The following MED27 variants were observed in gnomAD, a reference collection of about 807,000 sequenced individuals.
MED27 encodes the protein mediator complex subunit 27, also known as mediator of RNA polymerase II transcription subunit 27.
Under a neutral mutation model 38.2 loss-of-function variants are expected in MED27, and 30 were observed. That is an observed-to-expected ratio of 0.79 (90% CI 0.59 to 1.07). The LOEUF is 1.07. Among genes scored for constraint, MED27 ranks in the 50% least tolerant of loss-of-function variants. The pLI is 0.00. For missense variants in MED27, 289 were observed against 397.5 expected, an observed-to-expected ratio of 0.73 and a Z score of 2.32; for synonymous variants, 122 against 153.5, an observed-to-expected ratio of 0.79 and a Z score of 1.52.
chr9:132,053,202 G>C (rs937324040), intron 2 of MED27, among the ~76,000 whole-genome samples: 2 of 150,662 alleles, frequency 1.3e-5, no homozygotes, highest in Admixed American at 1.3e-4. Flanking sequence ...GCAGTGAGCC[G>C]AGATCGCGCC....
rs1181700241 is a variant in MED27 at position 131,958,358 on chromosome 9, G to GC, written c.480-18885dup. ...CCTCCCGAGTTCTAGCGATTCTCCT[G>GC]CCTCAGCCTCTTGAGTAGCTGGGAT... On this transcript the variant is annotated intron_variant, in intron 3 of 7. Transcript: ENST00000292035. 2.6e-5 allele frequency among the ~76,000 whole-genome samples: 4 copies of GC among 151,736 alleles called. No homozygotes were observed. The East Asian group carries it at 7.7e-4, about 29-fold the overall frequency.
rs933215269 is a variant in MED27 at position 131,964,692 on chromosome 9, C to T, written c.480-25218G>A. ...TCTTACTTAAACCTTGAACCAAGGA[C>T]GTGCAATTCTTATAAGACAGCGGTC... is the stretch of plus-strand genomic sequence containing the variant. On this transcript the variant is annotated intron_variant, in intron 3 of 7. Coordinates refer to ENST00000292035, the MANE Select transcript of MED27 (RefSeq NM_004269.4). Among the ~76,000 whole-genome samples, 5 of 152,270 alleles carry T rather than the reference C, an allele frequency of 3.3e-5. No individual in the cohort carries two copies. The East Asian group carries it at 5.8e-4, about 18-fold the overall frequency.
At chr9:132,045,296 G>GTAAAT (rs1479055763) in intron 2 of MED27, among the ~76,000 whole-genome samples, 27 of 152,106 alleles carry the variant, frequency 1.8e-4, no homozygotes, top group African/African-American at 6.5e-4. Context: ...GAAAAGTTAA[G>GTAAAT]TAAATTACAG....
intron 5 of MED27, among the ~76,000 whole-genome samples, chr9:131,890,237 C>T (rs2131497373): frequency 6.6e-6 from 1 of 152,302 alleles, no homozygotes; most frequent in South Asian, 2.1e-4. Flanking sequence ...AGCTTCTCTG[C>T]CAAATGTGGT....
At chr9:131,940,594 T>C (rs1830768958) in intron 3 of MED27, among the ~76,000 whole-genome samples, 1 of 152,070 alleles carries the variant, frequency 6.6e-6, no homozygotes, top group Admixed American at 6.6e-5. Flanking sequence ...TTTTGTATTT[T>C]TAGTAGAGAT....
At chr9:132,044,978 G>A (rs541821157) in intron 2 of MED27, among the ~76,000 whole-genome samples, 16 of 152,094 alleles carry the variant, frequency 1.1e-4, no homozygotes, top group African/African-American at 3.6e-4. Flanking sequence ...AATATGGGAG[G>A]AAAAACAGAT....
chr9:131,971,180 AT>A (rs1325630612), intron 3 of MED27, among the ~76,000 whole-genome samples: 9 of 152,244 alleles, frequency 5.9e-5, no homozygotes, highest in African/African-American at 2.2e-4. Flanking sequence ...ATGGGAGTTC[AT>A]TTTCCCATTC....
chr9:132,051,801 C>T lies in MED27; in HGVS notation c.348+25641G>A, dbSNP rs539912731. On this transcript the variant is annotated intron_variant, in intron 2 of 7. Transcript: ENST00000292035. This position sits in a 1 kb window ranked among gnomAD's most constrained non-coding sequence, Gnocchi z 4.2. Reference sequence around the variant, plus strand: ...CCATCATCACATAAAGTTCTATTGGCGAGCACTGCTCTGATCCCAGAAAAT... The same window carrying T: ...CCATCATCACATAAAGTTCTATTGGTGAGCACTGCTCTGATCCCAGAAAAT... 3.5e-4 allele frequency among the ~76,000 whole-genome samples: 54 copies of T among 152,290 alleles called. No individual in the cohort carries two copies. The highest frequency in any genetic ancestry group is 5.6e-4 in the Non-Finnish European group (38 of 68,026).
rs1309137538 is a variant in MED27, at chr9:132,044,333, GCA to G, written c.349-29868_349-29867del. Among the ~76,000 whole-genome samples the G allele has an allele frequency of 2.0e-5, 3 of 152,236 alleles. No individual in the cohort carries two copies. In the East Asian group the frequency reaches 5.8e-4, roughly 29 times the overall value. On this transcript the variant is annotated intron_variant, in intron 2 of 7. Coordinates refer to ENST00000292035, the MANE Select transcript of MED27 (RefSeq NM_004269.4). The stretch of plus-strand genomic sequence containing the variant: ...GTTCAGCAATTGTGTCAAGCACCTT[GCA>G]CAGTGTTTGCTCATTTATAAATGCA...
At chr9:132,065,332 C>T (rs1211389493) in intron 2 of MED27, among the ~76,000 whole-genome samples, 1 of 152,194 alleles carries the variant, frequency 6.6e-6, no homozygotes, top group East Asian at 1.9e-4. Flanking sequence ...CTACCATAAC[C>T]CTCCAGTGCT....
At chr9:131,946,388 T>C (rs966634739) in intron 3 of MED27, among the ~76,000 whole-genome samples, 1 of 152,176 alleles carries the variant, frequency 6.6e-6, no homozygotes, top group African/African-American at 2.4e-5. Context: ...GGTTCCCTTT[T>C]CTCCACATTC....
chr9:131,961,423 T>G (rs1472344476), intron 3 of MED27, among the ~76,000 whole-genome samples: 1 of 152,224 alleles, frequency 6.6e-6, no homozygotes, highest in Non-Finnish European at 1.5e-5. Flanking sequence ...CTTTCTTTGT[T>G]GAGTTCAGAA....
intron 3 of MED27, among the ~76,000 whole-genome samples, chr9:131,984,415 G>C (rs1363221627): frequency 3.3e-5 from 5 of 152,102 alleles, no homozygotes; most frequent in Non-Finnish European, 1.5e-5. Context: ...ACTCAAGATC[G>C]ACTTGTTTGC....
At chr9:131,894,257 A>G (rs1318533742) in intron 4 of MED27, among the ~76,000 whole-genome samples, 2 of 152,218 alleles carry the variant, frequency 1.3e-5, no homozygotes, top group Non-Finnish European at 2.9e-5. Flanking sequence ...TAAGTTTCAT[A>G]TGTTTACTAT....
At chr9:131,875,861 C>T (rs184443179) in intron 6 of MED27, among the ~76,000 whole-genome samples, 70 of 152,356 alleles carry the variant, frequency 4.6e-4, no homozygotes, top group Non-Finnish European at 8.2e-4. Context: ...TCCTCTGCCT[C>T]GGCCTCCCAG....
At chr9:132,006,384 A>G (rs550702442) in intron 3 of MED27, among the ~76,000 whole-genome samples, 79 of 152,352 alleles carry the variant, frequency 5.2e-4, no homozygotes, top group Non-Finnish European at 6.0e-4. Context: ...TTCAACTCCA[A>G]TAAAAAGAGA....
chr9:132,056,576 A>G (rs1833582649), intron 2 of MED27, among the ~76,000 whole-genome samples: 1 of 151,526 alleles, frequency 6.6e-6, no homozygotes, highest in Non-Finnish European at 1.5e-5. Flanking sequence ...AGGATACTCA[A>G]CTGGTAAGTG....
At chr9:131,947,509 A>G (rs1830908455) in intron 3 of MED27, among the ~76,000 whole-genome samples, 1 of 152,246 alleles carries the variant, frequency 6.6e-6, no homozygotes, top group Non-Finnish European at 1.5e-5. Context: ...ACAATACTAA[A>G]ATGATCACAA....
chr9:132,016,786 A>C (rs912747914), intron 2 of MED27, among the ~76,000 whole-genome samples: 3 of 152,216 alleles, frequency 2.0e-5, no homozygotes, highest in African/African-American at 7.2e-5. Context: ...AGGCCTGCTA[A>C]CTATGCAGAG....
Sources: gnomAD v4.1 joint callset for allele counts (sites outside exome capture counted in the v4.1 genomes callset) on GRCh38, gnomAD v4.1.1 for gene constraint, Gnocchi (gnomAD v3.1) non-coding constraint, MANE v1.5 for transcripts, NCBI Gene and HGNC (gene_info 2026-07-23, HGNC 2026-07-21) for gene names.